The following NCKAP5 variants were observed in gnomAD, a reference collection of about 807,000 sequenced individuals.
The protein encoded by NCKAP5 is NCK associated protein 5.
A neutral mutation model predicts 167.0 loss-of-function variants in NCKAP5; 92 were observed. The observed-to-expected ratio is 0.55, with a 90% CI of 0.47 to 0.66. The LOEUF (loss-of-function observed/expected upper bound fraction) is 0.66. NCKAP5 is among the 30% of genes least tolerant of loss of function. The pLI is 0.00. For missense variants in NCKAP5, 2,378 were observed against 2,315.0 expected, an observed-to-expected ratio of 1.03 and a Z score of -0.56; for synonymous variants, 891 against 877.4, an observed-to-expected ratio of 1.02 and a Z score of -0.27.
At chr2:133,143,762 G>A (rs2083085317) in intron 5 of NCKAP5, among the ~76,000 whole-genome samples, 2 of 151,886 alleles carry the variant, frequency 1.3e-5, no homozygotes, top group African/African-American at 4.8e-5. Context: ...TCACATAGCT[G>A]CCACTGAACC....
chr2:133,331,661 G>T (rs1030438215), intron 3 of NCKAP5, among the ~76,000 whole-genome samples: 1 of 152,156 alleles, frequency 6.6e-6, no homozygotes, highest in African/African-American at 2.4e-5. Context: ...ACCCAGGACC[G>T]GTTTTAAGTG....
At chr2:133,193,631 T>C (rs2085320503) in intron 5 of NCKAP5, among the ~76,000 whole-genome samples, 1 of 152,058 alleles carries the variant, frequency 6.6e-6, no homozygotes, top group African/African-American at 2.4e-5. Context: ...AAGCAGCAGT[T>C]CAAATAAACC....
intron 6 of NCKAP5, among the ~76,000 whole-genome samples, chr2:133,119,709 A>G (rs1473553601): frequency 2.6e-5 from 4 of 152,120 alleles, no homozygotes; most frequent in African/African-American, 9.7e-5. Context: ...TACAGATTAT[A>G]AACTACAAAA....
intron 7 of NCKAP5, among the ~76,000 whole-genome samples, chr2:132,969,553 G>A (rs1405313508): frequency 1.3e-5 from 2 of 152,164 alleles, no homozygotes; most frequent in African/African-American, 4.8e-5. Flanking sequence ...CCCAACCCTG[G>A]AGGAGTCATT....
chr2:133,345,118 C>G (rs1283231541), intron 3 of NCKAP5, among the ~76,000 whole-genome samples: 1 of 152,060 alleles, frequency 6.6e-6, no homozygotes, highest in East Asian at 1.9e-4. Context: ...CAAAATATCT[C>G]CTGTTAAGCT....
intron 11 of NCKAP5, among the ~76,000 whole-genome samples, chr2:132,811,238 G>T (rs1685840422): frequency 1.3e-5 from 2 of 152,072 alleles, no homozygotes; most frequent in African/African-American, 4.8e-5. Context: ...TTTTTGTGTT[G>T]GTTGGCCTCC....
chr2:132,796,527 A>G (rs1684620174), intron 12 of NCKAP5, 101 bp downstream of exon 12: 22 of 680,236 alleles, frequency 3.2e-5, no homozygotes, highest in Non-Finnish European at 5.5e-5. Context: ...CTGCCTGACA[A>G]TGCTTCAAGG....
In NCKAP5 at chr2:132,898,979, C is replaced by T. The variant is rs1014692339; in HGVS notation, c.580-20063G>A. ...TGCCTAACAAGAGAGTCAGCCTGTC[C>T]TTTAAAGCTTTGATGGCGGGCATTG... On this transcript the variant is annotated intron_variant, in intron 8 of 19. Transcript: ENST00000409261. 2.6e-5 allele frequency among the ~76,000 whole-genome samples: 4 copies of T among 152,152 alleles called. No individual in the cohort carries two copies. The East Asian group carries it at 5.8e-4, about 22-fold the overall frequency.
intron 11 of NCKAP5, 93 bp from the exon 12 acceptor site, chr2:132,796,822 C>A: frequency 2.3e-6 from 2 of 865,544 alleles, no homozygotes; most frequent in Non-Finnish European, 1.8e-6. Context: ...AAAGACTTGA[C>A]ATTTCCAGAT....
intron 3 of NCKAP5, among the ~76,000 whole-genome samples, chr2:133,441,140 T>C (rs1690831714): frequency 6.6e-6 from 1 of 151,954 alleles, no homozygotes; most frequent in South Asian, 2.1e-4. Context: ...AGCAGCATTG[T>C]CTAGGTCTAA....
At chr2:132,806,041 T>C (rs7601347) in intron 11 of NCKAP5, among the ~76,000 whole-genome samples, 96,690 of 152,010 alleles carry the variant, frequency 0.64, 32,066 homozygotes, top group East Asian at 0.89. Context: ...GTTTTCCATT[T>C]GTGAGTTACT....
At position 133,331,122 on chromosome 2, in the gene NCKAP5, C is replaced by T. The variant is rs561733097; in HGVS notation, c.70-28012G>A. Among the ~76,000 whole-genome samples the T allele has an allele frequency of 7.2e-5, 11 of 152,178 alleles. No individual in the cohort carries two copies. The South Asian group carries it at 1.2e-3, about 17-fold the overall frequency. ...AAAGAATAAAAGATATCCTAATTGT[C>T]GTTGACTGATACAGAATTTTTTAGG... On this transcript the variant is annotated intron_variant, in intron 3 of 19. Coordinates refer to ENST00000409261, the MANE Select transcript of NCKAP5 (RefSeq NM_207363.3).
At chr2:132,729,405 G>A (rs1441413552) in intron 17 of NCKAP5, among the ~76,000 whole-genome samples, 1 of 152,168 alleles carries the variant, frequency 6.6e-6, no homozygotes, top group East Asian at 1.9e-4. Flanking sequence ...CAAACATAGG[G>A]AACCCCGATT....
chr2:133,616,042 T>G, the NCKAP5 span, among the ~76,000 whole-genome samples: 1 of 151,092 alleles, frequency 6.6e-6, no homozygotes, highest in African/African-American at 2.4e-5. Flanking sequence ...AACCTGCTCC[T>G]GAATGACTAC....
chr2:133,534,998 A>C (rs1685647746), intron 2 of NCKAP5, among the ~76,000 whole-genome samples: 1 of 152,030 alleles, frequency 6.6e-6, no homozygotes, highest in Admixed American at 6.6e-5. Flanking sequence ...GTTGCTGCCC[A>C]CCTTCTTTTT....
chr2:133,462,123 A>C (rs2151236716), intron 3 of NCKAP5, among the ~76,000 whole-genome samples: 1 of 152,326 alleles, frequency 6.6e-6, no homozygotes, highest in East Asian at 1.9e-4. Context: ...ATAATTTTAA[A>C]AATGTATTTG....
the NCKAP5 span, among the ~76,000 whole-genome samples, chr2:133,601,006 C>A: frequency 6.6e-6 from 1 of 152,238 alleles, no homozygotes; most frequent in Non-Finnish European, 1.5e-5. Flanking sequence ...AACTTGTTTT[C>A]TCACGTAAGT....
intron 3 of NCKAP5, among the ~76,000 whole-genome samples, chr2:133,342,969 G>A (rs1287505359): frequency 2.6e-5 from 4 of 152,208 alleles, no homozygotes; most frequent in Non-Finnish European, 2.9e-5. Flanking sequence ...GGGAGGTAGT[G>A]TAGAGTGGGC....
At chr2:133,051,973 C>A (rs911424752) in intron 6 of NCKAP5, among the ~76,000 whole-genome samples, 1 of 152,172 alleles carries the variant, frequency 6.6e-6, no homozygotes, top group Admixed American at 6.5e-5. Context: ...TAAACCTTTA[C>A]TGACAGCCTA....
Sources: allele counts gnomAD v4.1 joint callset (sites outside exome capture counted in the v4.1 genomes callset), GRCh38; gene constraint gnomAD v4.1.1; transcripts MANE v1.5; gene names NCBI Gene and HGNC (gene_info 2026-07-23, HGNC 2026-07-21).